The following CCDC85A variants were observed in gnomAD, a reference collection of about 807,000 sequenced individuals.
CCDC85A encodes coiled-coil domain containing 85A.
Under a neutral mutation model 50.2 loss-of-function variants are expected in CCDC85A, and 38 were observed. The observed-to-expected ratio is 0.76, with a 90% CI of 0.58 to 0.99. The LOEUF is 0.99. CCDC85A is among the 50% of genes least tolerant of loss of function. CCDC85A has a pLI of 0.00. For synonymous variants in CCDC85A, 366 were observed against 301.4 expected, an observed-to-expected ratio of 1.21 and a Z score of -2.22; for missense variants, 820 against 742.0, an observed-to-expected ratio of 1.11 and a Z score of -1.22.
At chr2:56,241,964 T>G (rs1033286782) in intron 2 of CCDC85A, among the ~76,000 whole-genome samples, 2 of 152,192 alleles carry the variant, frequency 1.3e-5, no homozygotes, top group African/African-American at 4.8e-5. Flanking sequence ...CAAGTGTTCC[T>G]TTTTCTCCAC....
chr2:56,231,937 T>C (rs758950971), intron 2 of CCDC85A, among the ~76,000 whole-genome samples: 1 of 152,120 alleles, frequency 6.6e-6, no homozygotes, highest in Non-Finnish European at 1.5e-5. Flanking sequence ...ATGGCCATTC[T>C]GTCCCTGTAA....
intron 3 of CCDC85A, among the ~76,000 whole-genome samples, chr2:56,360,393 G>A (rs1471216309): frequency 6.6e-6 from 1 of 152,150 alleles, no homozygotes; most frequent in East Asian, 1.9e-4. Context: ...GAGCTCATTA[G>A]TCTTTGGGTT....
At chr2:56,374,670 A>G (rs1676246465) in intron 4 of CCDC85A, among the ~76,000 whole-genome samples, 1 of 152,174 alleles carries the variant, frequency 6.6e-6, no homozygotes, top group South Asian at 2.1e-4. Context: ...GTCACTAGGC[A>G]TAATGGCACA....
intron 2 of CCDC85A, among the ~76,000 whole-genome samples, chr2:56,230,344 A>T (rs973849224): frequency 6.6e-6 from 1 of 152,206 alleles, no homozygotes; most frequent in Non-Finnish European, 1.5e-5. Flanking sequence ...CAGGCAGTAA[A>T]AGTACAAGCA....
chr2:56,203,280 A>G (rs1398506767), intron 2 of CCDC85A, among the ~76,000 whole-genome samples: 5 of 152,246 alleles, frequency 3.3e-5, no homozygotes, highest in African/African-American at 1.2e-4. Context: ...TGCCATGAAT[A>G]GCTCCCCCAG....
rs771887814 is a variant in CCDC85A at position 56,184,774 on chromosome 2, G to A, written c.150G>A (p.Glu50=). ...SDEELLQWSK[E]ELIRSLRRAE... is the part of the protein sequence containing the mutation. ...AGGAGCTGCTGCAGTGGAGCAAGGA[G>A]GAGCTGATCCGCAGCCTGCGGCGCG... Residue 50 remains glutamate, a synonymous_variant, in exon 1 of 6, where the codon GAG becomes GAA. Transcript: ENST00000407595. The A allele has an allele frequency of 1.6e-5, 25 of 1,546,536 alleles. No individual in the cohort carries two copies. In the East Asian group the frequency reaches 5.4e-4, roughly 33 times the overall value.
intron 2 of CCDC85A, among the ~76,000 whole-genome samples, chr2:56,314,143 G>C (rs1200266286): frequency 6.7e-6 from 1 of 149,712 alleles, no homozygotes; most frequent in East Asian, 2.0e-4. Flanking sequence ...ATGAGCTCGG[G>C]CACTTAGCCA....
intron 2 of CCDC85A, among the ~76,000 whole-genome samples, chr2:56,265,373 T>G (rs543615576): frequency 6.6e-6 from 1 of 152,100 alleles, no homozygotes; most frequent in Admixed American, 6.6e-5. Context: ...TATAAGGAAC[T>G]AAATCTACTT....
intron 4 of CCDC85A, 61 bp from the exon 5 acceptor site, chr2:56,375,755 A>G: frequency 6.5e-7 from 1 of 1,536,052 alleles, no homozygotes; most frequent in Non-Finnish European, 8.9e-7. Flanking sequence ...ATATTGAATG[A>G]CATCTTTGTA....
At chr2:56,312,926 A>G (rs1672761281) in intron 2 of CCDC85A, among the ~76,000 whole-genome samples, 1 of 152,176 alleles carries the variant, frequency 6.6e-6, no homozygotes, top group Non-Finnish European at 1.5e-5. Flanking sequence ...ATCCTGACAT[A>G]CAAAAGCAGG....
chr2:56,283,790 G>C (rs1671308333), intron 2 of CCDC85A, among the ~76,000 whole-genome samples: 1 of 152,030 alleles, frequency 6.6e-6, no homozygotes, highest in Non-Finnish European at 1.5e-5. Context: ...TGTATTGATA[G>C]TAGTTTGTCA....
chr2:56,244,253 G>A (rs1669401356), intron 2 of CCDC85A, among the ~76,000 whole-genome samples: 1 of 152,056 alleles, frequency 6.6e-6, no homozygotes, highest in Non-Finnish European at 1.5e-5. Flanking sequence ...GCTCTATTCT[G>A]CAGCTAAACT....
At chr2:56,282,658 C>T (rs994559741) in intron 2 of CCDC85A, among the ~76,000 whole-genome samples, 6 of 152,118 alleles carry the variant, frequency 3.9e-5, no homozygotes, top group Admixed American at 2.0e-4. Context: ...TACAGGCATG[C>T]GGCACCATGC....
intron 2 of CCDC85A, among the ~76,000 whole-genome samples, chr2:56,331,584 C>T (rs370582313): frequency 4.6e-5 from 7 of 152,056 alleles, no homozygotes; most frequent in African/African-American, 1.4e-4. Flanking sequence ...GGGTTGAACA[C>T]GTTTATGGTG....
chr2:56,364,471 A>G (rs1166105509), intron 3 of CCDC85A, among the ~76,000 whole-genome samples: 1 of 152,206 alleles, frequency 6.6e-6, no homozygotes, highest in African/African-American at 2.4e-5. Context: ...TGAGCACTGC[A>G]TGAAGTTAAT....
chr2:56,201,113 CACACACACACACGTACAT>C (rs1038115382), intron 2 of CCDC85A, among the ~76,000 whole-genome samples: 1 of 150,024 alleles, frequency 6.7e-6, no homozygotes, highest in African/African-American at 2.5e-5. Flanking sequence ...CACACACACA[CACACACACACACGTACAT>C]ACACACAGCA....
intron 2 of CCDC85A, among the ~76,000 whole-genome samples, chr2:56,302,263 TAAG>T (rs1360827822): frequency 1.3e-5 from 2 of 151,804 alleles, no homozygotes; most frequent in Non-Finnish European, 2.9e-5. Context: ...CTTCAAAAAA[TAAG>T]AATAATAAAT....
intron 5 of CCDC85A, among the ~76,000 whole-genome samples, chr2:56,378,536 CA>C (rs1468679189): frequency 1.1e-4 from 16 of 152,242 alleles, no homozygotes; most frequent in African/African-American, 3.6e-4. Flanking sequence ...CAAGCACAGT[CA>C]GTGATTTTCT....
At chr2:56,296,444 A>T (rs1284519725) in intron 2 of CCDC85A, among the ~76,000 whole-genome samples, 4 of 152,156 alleles carry the variant, frequency 2.6e-5, no homozygotes, top group Non-Finnish European at 4.4e-5. Context: ...TTTGAAGCCT[A>T]TGTAAGCCTG....
Sources: gnomAD v4.1 joint callset for allele counts (sites outside exome capture counted in the v4.1 genomes callset) on GRCh38, gnomAD v4.1.1 for gene constraint, MANE v1.5 for transcripts, NCBI Gene and HGNC (gene_info 2026-07-23, HGNC 2026-07-21) for gene names.